ERGIC1: variants seen among roughly 807,000 people sequenced by gnomAD.
ERGIC1 encodes the protein endoplasmic reticulum-Golgi intermediate compartment protein 1.
ERGIC1 carries 19 observed loss-of-function variants against 38.3 expected under a neutral mutation model. That is an observed-to-expected ratio of 0.50 (90% CI 0.35 to 0.73). The LOEUF (loss-of-function observed/expected upper bound fraction) is 0.73. Among genes scored for constraint, ERGIC1 ranks in the 30% least tolerant of loss-of-function variants. The pLI, the probability that ERGIC1 is intolerant of heterozygous loss-of-function variation, is 0.01. For synonymous variants in ERGIC1, 124 were observed against 157.6 expected (o/e 0.79, Z 1.60); for missense variants, 294 against 389.2 (o/e 0.76, Z 2.06).
intron 1 of ERGIC1, among the ~76,000 whole-genome samples, chr5:172,856,306 G>T (rs1048467475): frequency 1.3e-5 from 2 of 152,234 alleles, no homozygotes; most frequent in Non-Finnish European, 2.9e-5. Flanking sequence ...GAGCCCTGTT[G>T]GAAAGGTGAG....
chr5:172,882,361 C>T (rs939676677), intron 1 of ERGIC1, among the ~76,000 whole-genome samples: 1 of 152,214 alleles, frequency 6.6e-6, no homozygotes, highest in Non-Finnish European at 1.5e-5. Flanking sequence ...GAACTGGTCC[C>T]TGTCTTCCAG....
intron 1 of ERGIC1, among the ~76,000 whole-genome samples, chr5:172,874,150 C>G (rs1762086943): frequency 6.6e-6 from 1 of 152,104 alleles, no homozygotes; most frequent in Non-Finnish European, 1.5e-5. Flanking sequence ...GTGATCTTGG[C>G]TCACTGCAAC....
At chr5:172,903,873 G>A (rs983714976) in intron 3 of ERGIC1, among the ~76,000 whole-genome samples, 27 of 151,776 alleles carry the variant, frequency 1.8e-4, no homozygotes, top group African/African-American at 6.1e-4. Context: ...CCTAGGCTTC[G>A]AACCCTGGTA....
At chr5:172,933,787 A>G (rs1020759652) in intron 8 of ERGIC1, 2 of 152,172 alleles carry the variant, frequency 1.3e-5, no homozygotes, top group Admixed American at 6.5e-5. Flanking sequence ...GTCATTCACT[A>G]GCTATTGACC....
chr5:172,837,346 CT>C lies in ERGIC1; in HGVS notation c.20+2914del, dbSNP rs1761061107. ...AAGCATTTAGACACAGAGTAAGCGC[CT>C]CATCCATTTTGGCCGCCATATTTAT... On this transcript the variant is annotated intron_variant, in intron 1 of 9. Coordinates refer to ENST00000393784, the MANE Select transcript of ERGIC1 (RefSeq NM_001031711.3). The surrounding 1 kb of genome is among the most constrained non-coding windows in gnomAD (Gnocchi z 4.3). 6.6e-6 allele frequency among the ~76,000 whole-genome samples: 1 copy of C among 152,192 alleles called. No individual in the cohort carries two copies. The highest frequency in any genetic ancestry group is 1.9e-4 in the East Asian group (1 of 5,204).
chr5:172,866,449 A>C (rs1206601216), intron 1 of ERGIC1, among the ~76,000 whole-genome samples: 1 of 151,918 alleles, frequency 6.6e-6, no homozygotes, highest in African/African-American at 2.4e-5. Flanking sequence ...CTTCAGAGGG[A>C]TTTGTGGGGG....
rs1272977314 is a variant in ERGIC1 at position 172,840,599 on chromosome 5, C to T, written c.20+6166C>T. On this transcript the variant is annotated intron_variant, in intron 1 of 9. Coordinates refer to ENST00000393784, the MANE Select transcript of ERGIC1 (RefSeq NM_001031711.3). ...AGCCAGGTCGGGTGGCGGTGGAGAG[C>T]CTTGCCTCGGGAGGCTGGGGCGTGG... is the stretch of plus-strand genomic sequence containing the variant. Among the ~76,000 whole-genome samples the T allele has an allele frequency of 2.0e-5, 3 of 152,118 alleles. 1 individual carries two copies. The highest frequency in any genetic ancestry group is 7.2e-5 in the African/African-American group (3 of 41,414).
chr5:172,922,767 A>G (rs1045878166), intron 5 of ERGIC1, among the ~76,000 whole-genome samples: 1 of 152,208 alleles, frequency 6.6e-6, no homozygotes, highest in Admixed American at 6.5e-5. Context: ...GGACTCTGAG[A>G]GAATAGAAGC....
At chr5:172,882,729 A>C (rs1322674934) in intron 1 of ERGIC1, among the ~76,000 whole-genome samples, 1 of 152,022 alleles carries the variant, frequency 6.6e-6, no homozygotes, top group Non-Finnish European at 1.5e-5. Flanking sequence ...CTTTGGTCCA[A>C]ATCTCACCTC....
At chr5:172,878,480 T>G (rs1385098133) in intron 1 of ERGIC1, among the ~76,000 whole-genome samples, 1 of 152,162 alleles carries the variant, frequency 6.6e-6, no homozygotes, top group African/African-American at 2.4e-5. Context: ...ATGAAAGTGA[T>G]CCGAGATACT....
chr5:172,895,181 C>T (rs918159058), intron 2 of ERGIC1, among the ~76,000 whole-genome samples: 1 of 152,206 alleles, frequency 6.6e-6, no homozygotes, highest in African/African-American at 2.4e-5. Flanking sequence ...AAACCCTTCC[C>T]ACATCTCTCT....
In ERGIC1 at chr5:172,866,548, C is replaced by A. The variant is rs1450339349; in HGVS notation, c.21-22151C>A. ...CTGCGTCACAGGGGAAGCACTCCCC[C>A]ATGGGGGCCAGGCGCTGTGCTAAGC... On this transcript the variant is annotated intron_variant, in intron 1 of 9. Transcript: ENST00000393784. Among the ~76,000 whole-genome samples, 7 of 152,358 alleles carry A rather than the reference C, an allele frequency of 4.6e-5. No individual in the cohort carries two copies. The South Asian group carries it at 1.5e-3, about 32-fold the overall frequency.
intron 5 of ERGIC1, chr5:172,915,151 C>T (rs1763328626): frequency 3.0e-6 from 2 of 659,138 alleles, no homozygotes; most frequent in Non-Finnish European, 5.5e-6. Flanking sequence ...TCTACCCCTT[C>T]TTGGCCCCTA....
rs552655671 is a variant in ERGIC1, at chr5:172,915,222, C to T, written c.375+384C>T. ...TGGCGATAATAGTATCACGATACCA[C>T]CCACTTCACAAAGTTTGTGTGGGGA... On this transcript the variant is annotated intron_variant, in intron 5 of 9. Coordinates refer to ENST00000393784, the MANE Select transcript of ERGIC1 (RefSeq NM_001031711.3). 3.3e-5 allele frequency: 20 copies of T among 600,264 alleles called. 1 individual carries two copies. The highest frequency in any genetic ancestry group is 2.6e-4 in the African/African-American group (14 of 53,998). The allele number at this position is 600,264 out of a possible 1,614,324, so 37.2% of individuals were successfully genotyped here.
intron 1 of ERGIC1, among the ~76,000 whole-genome samples, chr5:172,869,330 TC>T (rs1353451268): frequency 1.3e-5 from 2 of 152,236 alleles, no homozygotes; most frequent in Non-Finnish European, 2.9e-5. Flanking sequence ...TGAATGAGTG[TC>T]CTTTGGAAAA....
chr5:172,879,042 T>C (rs1762217356), intron 1 of ERGIC1, among the ~76,000 whole-genome samples: 2 of 152,172 alleles, frequency 1.3e-5, no homozygotes, highest in African/African-American at 2.4e-5. Flanking sequence ...CGAAATGGCA[T>C]CTAATTTCAT....
chr5:172,845,150 C>T (rs560724945), intron 1 of ERGIC1, among the ~76,000 whole-genome samples: 26 of 152,274 alleles, frequency 1.7e-4, no homozygotes, highest in African/African-American at 6.3e-4. Context: ...GTATCACGCC[C>T]CAGGAGGGGA....
At chr5:172,891,628 C>T (rs1010494978) in intron 2 of ERGIC1, among the ~76,000 whole-genome samples, 31 of 152,026 alleles carry the variant, frequency 2.0e-4, no homozygotes, top group African/African-American at 6.8e-4. Context: ...TTAGTAGAGA[C>T]GAGGCTTCAC....
At position 172,926,224 on chromosome 5, in the gene ERGIC1, C is replaced by A. The variant is rs1763647105; in HGVS notation, c.481-285C>A. ...TCTTTCCAAGCCTTGATTTGCTCTT[C>A]TGTAAAATGGGCCCAATAATACATC... On this transcript the variant is annotated intron_variant, in intron 6 of 9. Coordinates refer to ENST00000393784, the MANE Select transcript of ERGIC1 (RefSeq NM_001031711.3). This position sits in a 1 kb window ranked among gnomAD's most constrained non-coding sequence, Gnocchi z 5.2. Among the ~76,000 whole-genome samples, 1 of 152,216 alleles carries A rather than the reference C, an allele frequency of 6.6e-6. No individual in the cohort carries two copies. Among genetic ancestry groups the A allele is most frequent in the Non-Finnish European group, 1.5e-5 (1 of 68,042 alleles).
Sources: allele counts gnomAD v4.1 joint callset (sites outside exome capture counted in the v4.1 genomes callset), GRCh38; gene constraint gnomAD v4.1.1; non-coding constraint Gnocchi (gnomAD v3.1); transcripts MANE v1.5; gene names NCBI Gene and HGNC (gene_info 2026-07-23, HGNC 2026-07-21).